Variants in ZNF407 observed in about 807,000 individuals in gnomAD.
ZNF407 encodes the protein zinc finger protein 407.
Under a neutral mutation model 131.2 loss-of-function variants are expected in ZNF407, and 17 were observed. That is an observed-to-expected ratio of 0.13 (90% CI 0.09 to 0.19). The LOEUF (loss-of-function observed/expected upper bound fraction) is 0.19, where lower values mean the gene tolerates loss of function less well. ZNF407 is among the 10% of genes least tolerant of loss of function. The pLI, the probability that ZNF407 is intolerant of heterozygous loss-of-function variation, is 1.00. For missense variants in ZNF407, 2,681 were observed against 2,830.6 expected, an observed-to-expected ratio of 0.95 and a Z score of 1.20; for synonymous variants, 1,156 against 1,062.0, an observed-to-expected ratio of 1.09 and a Z score of -1.72.
At chr18:74,847,362 C>G (rs1970716603) in intron 4 of ZNF407, among the ~76,000 whole-genome samples, 1 of 152,102 alleles carries the variant, frequency 6.6e-6, no homozygotes, top group African/African-American at 2.4e-5. Context: ...TAGGCCTTAG[C>G]TGAAAAATAC....
intron 3 of ZNF407, among the ~76,000 whole-genome samples, chr18:74,780,962 A>G (rs1281529745): frequency 6.6e-6 from 1 of 151,848 alleles, no homozygotes; most frequent in African/African-American, 2.4e-5. Flanking sequence ...ATTTTTAAAA[A>G]CCTCTCTTCA....
chr18:74,777,488 G>T (rs75614755), intron 3 of ZNF407, among the ~76,000 whole-genome samples: 1 of 152,150 alleles, frequency 6.6e-6, no homozygotes, highest in Non-Finnish European at 1.5e-5. Context: ...TGGATGTTCA[G>T]TAGGCTTCCT....
intron 1 of ZNF407, among the ~76,000 whole-genome samples, chr18:74,615,693 T>C (rs1212646899): frequency 1.3e-5 from 2 of 152,220 alleles, no homozygotes; most frequent in Non-Finnish European, 2.9e-5. Context: ...TTCTGTTTTC[T>C]GTTCTTCATG....
At position 75,048,272 on chromosome 18, in the gene ZNF407, G is replaced by A. The variant is rs890535662; in HGVS notation, c.5429-14878G>A. Among the ~76,000 whole-genome samples, 6 of 152,198 alleles carry A rather than the reference G, an allele frequency of 3.9e-5. No homozygotes were observed. Among genetic ancestry groups the A allele is most frequent in the African/African-American group, 9.6e-5 (4 of 41,454 alleles). On this transcript the variant is annotated intron_variant, in intron 8 of 8. Transcript: ENST00000299687. This position sits in a 1 kb window ranked among gnomAD's most constrained non-coding sequence, Gnocchi z 4.1. ...TTTCGTGGTCTTTCTGGTATTATGC[G>A]TCAGAGGCCTAATTTTTGTCTACAT...
chr18:74,802,650 A>G (rs1970039323), intron 4 of ZNF407, among the ~76,000 whole-genome samples: 2 of 152,150 alleles, frequency 1.3e-5, no homozygotes, highest in Non-Finnish European at 2.9e-5. Flanking sequence ...CAATTGTTTG[A>G]CGGAAAATTT....
chr18:74,821,429 C>T (rs1358402737), intron 4 of ZNF407, among the ~76,000 whole-genome samples: 2 of 151,494 alleles, frequency 1.3e-5, no homozygotes, highest in Non-Finnish European at 2.9e-5. Context: ...TAGTCCCCCA[C>T]CCCACAACAG....
chr18:74,928,514 T>A (rs1353254715), intron 8 of ZNF407, among the ~76,000 whole-genome samples: 1 of 152,214 alleles, frequency 6.6e-6, no homozygotes, highest in Non-Finnish European at 1.5e-5. Flanking sequence ...CTCTACAGAA[T>A]GCAAATTTTC....
intron 8 of ZNF407, among the ~76,000 whole-genome samples, chr18:75,037,593 A>G (rs900370953): frequency 7.2e-5 from 11 of 152,188 alleles, no homozygotes; most frequent in African/African-American, 9.7e-5. Flanking sequence ...CACAGAGCTA[A>G]TGAAGCCCGT....
chr18:74,871,739 T>C (rs1023561072), intron 4 of ZNF407, among the ~76,000 whole-genome samples: 17 of 152,218 alleles, frequency 1.1e-4, no homozygotes, highest in Non-Finnish European at 2.2e-4. Flanking sequence ...GTCCAAGTTA[T>C]CATATAGAGA....
At chr18:74,717,836 G>C (rs1292496840) in intron 3 of ZNF407, among the ~76,000 whole-genome samples, 2 of 152,172 alleles carry the variant, frequency 1.3e-5, no homozygotes, top group Non-Finnish European at 2.9e-5. Context: ...AATTTGGAAT[G>C]CTCCAATGAG....
At chr18:74,681,322 A>G (rs1392311648) in intron 3 of ZNF407, among the ~76,000 whole-genome samples, 1 of 151,962 alleles carries the variant, frequency 6.6e-6, no homozygotes. Flanking sequence ...TGCAGCCTTG[A>G]ACTCCTGCGC....
intron 3 of ZNF407, among the ~76,000 whole-genome samples, chr18:74,699,524 G>GA (rs1163835979): frequency 6.6e-6 from 1 of 152,042 alleles, no homozygotes; most frequent in African/African-American, 2.4e-5. Context: ...AATGTCTCCT[G>GA]GTACCGGTGT....
chr18:74,878,665 CGT>C (rs1971194139), intron 5 of ZNF407, among the ~76,000 whole-genome samples: 1 of 151,932 alleles, frequency 6.6e-6, no homozygotes, highest in Non-Finnish European at 1.5e-5. Context: ...GATTAGTTTC[CGT>C]GTCTTTCTAC....
intron 7 of ZNF407, among the ~76,000 whole-genome samples, chr18:74,906,856 T>C (rs1287311375): frequency 1.3e-5 from 2 of 152,198 alleles, no homozygotes; most frequent in Non-Finnish European, 2.9e-5. Flanking sequence ...GTGAGTATTT[T>C]ATGTGTGTAT....
intron 8 of ZNF407, among the ~76,000 whole-genome samples, chr18:75,038,376 G>C (rs1238233316): frequency 5.3e-5 from 8 of 152,196 alleles, no homozygotes. Flanking sequence ...TTTCTGGCAA[G>C]CAGGTAATTG....
At chr18:75,002,205 A>G (rs1220356163) in intron 8 of ZNF407, among the ~76,000 whole-genome samples, 2 of 152,210 alleles carry the variant, frequency 1.3e-5, no homozygotes, top group African/African-American at 4.8e-5. Context: ...GATATTTTGT[A>G]TAGTTTGACT....
intron 6 of ZNF407, among the ~76,000 whole-genome samples, chr18:74,884,205 T>C (rs1273915182): frequency 1.2e-4 from 18 of 152,228 alleles, no homozygotes; most frequent in Admixed American, 1.2e-3. Flanking sequence ...TTATTTCAAA[T>C]TTGTGATATT....
intron 8 of ZNF407, among the ~76,000 whole-genome samples, chr18:75,042,998 G>A (rs1353458528): frequency 1.3e-5 from 2 of 152,186 alleles, no homozygotes; most frequent in African/African-American, 4.8e-5. Flanking sequence ...TCACCCTACT[G>A]TCAATGTTTG....
chr18:74,646,598 G>A (rs473638), intron 3 of ZNF407, among the ~76,000 whole-genome samples: 3,359 of 152,204 alleles, frequency 0.022, 132 homozygotes, highest in African/African-American at 0.076. Flanking sequence ...CATTATTTGT[G>A]TATTCCTCTG....
Sources: gnomAD v4.1 joint callset for allele counts (sites outside exome capture counted in the v4.1 genomes callset) on GRCh38, gnomAD v4.1.1 for gene constraint, Gnocchi (gnomAD v3.1) non-coding constraint, MANE v1.5 for transcripts, NCBI Gene and HGNC (gene_info 2026-07-23, HGNC 2026-07-21) for gene names.